The following POMGNT2 variants were observed in gnomAD, a reference collection of about 807,000 sequenced individuals.
POMGNT2 encodes the protein protein O-linked mannose N-acetylglucosaminyltransferase 2 (beta 1,4-), also known as protein O-linked-mannose beta-1,4-N-acetylglucosaminyltransferase 2.
POMGNT2 carries 32 observed loss-of-function variants against 37.8 expected under a neutral mutation model. The observed-to-expected ratio is 0.85, with a 90% CI of 0.64 to 1.14. The LOEUF is 1.14. Ranked by LOEUF, POMGNT2 falls within the 50% of genes most tolerant of loss-of-function variation. POMGNT2 has a pLI of 0.00. For missense variants in POMGNT2, 705 were observed against 780.6 expected (o/e 0.90, Z 1.15); for synonymous variants, 340 against 336.8 (o/e 1.01, Z -0.10).
At chr3:43,101,933 C>T (rs2090022417) in intron 1 of POMGNT2, among the ~76,000 whole-genome samples, 1 of 148,558 alleles carries the variant, frequency 6.7e-6, no homozygotes, top group Admixed American at 6.7e-5. Flanking sequence ...AGAAACGAGT[C>T]CAGGTCTCTT....
At chr3:43,092,142 C>G (rs953479340) in intron 1 of POMGNT2, among the ~76,000 whole-genome samples, 1 of 152,112 alleles carries the variant, frequency 6.6e-6, no homozygotes, top group Non-Finnish European at 1.5e-5. Flanking sequence ...TGGTTTTGAT[C>G]ATTACATTGT....
chr3:43,089,659 G>A (rs1443457697), intron 1 of POMGNT2, among the ~76,000 whole-genome samples: 1 of 152,168 alleles, frequency 6.6e-6, no homozygotes, highest in Non-Finnish European at 1.5e-5. Context: ...GGAGCGCACA[G>A]AGGAAGCTGG....
At chr3:43,094,626 C>T (rs1286426076) in intron 1 of POMGNT2, among the ~76,000 whole-genome samples, 1 of 152,220 alleles carries the variant, frequency 6.6e-6, no homozygotes, top group African/African-American at 2.4e-5. Flanking sequence ...TAATGTCTGA[C>T]TGTTCAGGGC....
chr3:43,097,607 A>T lies in POMGNT2; in HGVS notation c.-106+8229T>A, dbSNP rs374507855. ...ATAAGGACACCAGTCCTATCAGATT[A>T]GGGCCCCACCCTTATGACCTCATTT... On this transcript the variant is annotated intron_variant, in intron 1 of 1. Transcript: ENST00000344697. Among the ~76,000 whole-genome samples, 60 of 152,188 alleles carry T rather than the reference A, an allele frequency of 3.9e-4. No homozygotes were observed. The South Asian group carries it at 0.011, about 28-fold the overall frequency.
Position 43,079,601 on chromosome 3 carries a change from TC to T in POMGNT2, c.*87del. The T allele has an allele frequency of 8.2e-7, 1 of 1,213,844 alleles. No homozygotes were observed. The highest frequency in any genetic ancestry group is 2.4e-5 in the East Asian group (1 of 42,082). The allele number at this position is 1,213,844 out of a possible 1,614,324, so 75.2% of individuals were successfully genotyped here. On this transcript the variant is annotated 3_prime_UTR_variant, in exon 2 of 2. Transcript: ENST00000344697. ...GGCACAGGCCTGCTCAATAAATAGT[TC>T]CCAGAAGTCTCCACAGTGGGATTAA...
At chr3:43,096,264 G>C (rs559424809) in intron 1 of POMGNT2, among the ~76,000 whole-genome samples, 1 of 152,094 alleles carries the variant, frequency 6.6e-6, no homozygotes, top group South Asian at 2.1e-4. Flanking sequence ...GATCCAATCG[G>C]CACCTGAAAC....
chr3:43,101,591 T>A (rs1172794633), intron 1 of POMGNT2, among the ~76,000 whole-genome samples: 2 of 152,158 alleles, frequency 1.3e-5, no homozygotes, highest in Non-Finnish European at 2.9e-5. Flanking sequence ...GGAACTTGTG[T>A]CTTAATAAAG....
chr3:43,080,163 G>A lies in POMGNT2; in HGVS notation c.1269C>T (p.Ala423=), dbSNP rs764516534. 8 of 1,613,978 alleles carry A rather than the reference G, an allele frequency of 5.0e-6. No homozygotes were observed. The highest frequency in any genetic ancestry group is 6.8e-6 in the Non-Finnish European group (8 of 1,179,974). The change falls in exon 2 of 2, where the codon GCC becomes GCT. Residue 423 remains alanine (A), a synonymous_variant. Coordinates refer to ENST00000344697, the MANE Select transcript of POMGNT2 (RefSeq NM_032806.6). ...GGACCTCACGGCTTTGCAGGATACG[G>A]GCTTGCTCAGCCCGGTCCAGATGGG... ...GITHLDRAEQ[A]RILQSREVPR...
In POMGNT2 at chr3:43,080,328, A is replaced by C. The variant is rs747256506; in HGVS notation, c.1104T>G (p.Ala368=). 9 of 1,614,034 alleles carry C rather than the reference A, an allele frequency of 5.6e-6. No homozygotes were observed. ...AGGGAGTGTAGTGGTCGGGATTGACAGCATATGGGAAGAGCTCTACCACAG... is the reference window on the plus strand; with the variant it reads ...AGGGAGTGTAGTGGTCGGGATTGACCGCATATGGGAAGAGCTCTACCACAG... ...GATVVELFPY[A]VNPDHYTPYK... Residue 368 remains alanine, a synonymous_variant, in exon 2 of 2, where the codon GCT becomes GCG. Coordinates refer to ENST00000344697, the MANE Select transcript of POMGNT2 (RefSeq NM_032806.6).
intron 1 of POMGNT2, among the ~76,000 whole-genome samples, chr3:43,096,837 A>C (rs559412796): frequency 1.3e-5 from 2 of 152,358 alleles, no homozygotes; most frequent in South Asian, 4.1e-4. Flanking sequence ...ACTGAGGCAG[A>C]CAGGAGGAAG....
intron 1 of POMGNT2, among the ~76,000 whole-genome samples, chr3:43,088,453 C>G (rs1164220439): frequency 2.6e-5 from 4 of 152,282 alleles, no homozygotes; most frequent in Middle Eastern, 6.8e-3. Flanking sequence ...CTGTTGCTTC[C>G]CCCAGCAGCC....
rs2089847431 is a variant in POMGNT2, at chr3:43,080,931, G to A, written c.501C>T (p.Val167=). ...AGAGTGGCAGCAGGTCGTCATGAAA[G>A]ACGTGCATGAGGTTGTCGGGGTTGA... ...NRFNPDNLMH[V]FHDDLLPLFY... The change falls in exon 2 of 2, where the codon GTC becomes GTT. Residue 167 remains valine (V), a synonymous_variant. Transcript: ENST00000344697. 1 of 1,614,030 alleles carries A rather than the reference G, an allele frequency of 6.2e-7. No homozygotes were observed. The highest frequency in any genetic ancestry group is 8.5e-7 in the Non-Finnish European group (1 of 1,180,030).
chr3:43,079,948 T>C lies in POMGNT2; in HGVS notation c.1484A>G (p.His495Arg). ...AGTGAGGCGGGCCTCGGAGGCGCCATGCACTGACGCCTGGCACCGTGCCTC... is the reference window on the plus strand; with the variant it reads ...AGTGAGGCGGGCCTCGGAGGCGCCACGCACTGACGCCTGGCACCGTGCCTC... Reference protein sequence around the residue: ...VREARCQASVHGASEARLTVS... With the variant: ...VREARCQASVRGASEARLTVS... The change falls in exon 2 of 2, where the codon CAT (histidine) becomes CGT (arginine). Residue 495 changes from histidine (H) to arginine (R), a missense_variant. By Grantham distance (29) the His-to-Arg change is conservative (BLOSUM62 0). Coordinates refer to ENST00000344697, the MANE Select transcript of POMGNT2 (RefSeq NM_032806.6). 3 of 1,613,996 alleles carry C rather than the reference T, an allele frequency of 1.9e-6. No individual in the cohort carries two copies. Among genetic ancestry groups the C allele is most frequent in the South Asian group, 2.2e-5 (2 of 91,088 alleles).
rs910038823 is a variant in POMGNT2 at position 43,088,919 on chromosome 3, T to C, written c.-105-7383A>G. ...CTTCCCACAGCCAGAACATTCCAAC[T>C]GGTATGGAGGGAGAACTTGTTTGCA... On this transcript the variant is annotated intron_variant, in intron 1 of 1. Coordinates refer to ENST00000344697, the MANE Select transcript of POMGNT2 (RefSeq NM_032806.6). Among the ~76,000 whole-genome samples the C allele has an allele frequency of 4.6e-5, 7 of 152,330 alleles. 1 individual carries two copies. The highest frequency in any genetic ancestry group is 3.3e-4 in the Admixed American group (5 of 15,308).
intron 1 of POMGNT2, among the ~76,000 whole-genome samples, chr3:43,082,203 G>A (rs2089862586): frequency 6.6e-6 from 1 of 152,210 alleles, no homozygotes; most frequent in South Asian, 2.1e-4. Context: ...CCTGGACTCT[G>A]GGTAATGACT....
At position 43,080,670 on chromosome 3, in the gene POMGNT2, C is replaced by T. The variant is rs115870061; in HGVS notation, c.762G>A (p.Lys254=). 1,253 of 1,614,206 alleles carry T rather than the reference C, an allele frequency of 7.8e-4. 11 individuals are homozygous for T. The African/African-American group carries it at 0.014, about 18-fold the overall frequency. Residue 254 remains lysine, a synonymous_variant, in exon 2 of 2, where the codon AAG becomes AAA. Transcript: ENST00000344697. ...QYGFVQPQGP[K]ANILVSGNEI... ...CATTGCCTGAGACGAGGATGTTGGCCTTCGGGCCCTGGGGCTGCACAAAGC... is the reference window on the plus strand; with the variant it reads ...CATTGCCTGAGACGAGGATGTTGGCTTTCGGGCCCTGGGGCTGCACAAAGC...
At chr3:43,086,937 G>A (rs2089902092) in intron 1 of POMGNT2, among the ~76,000 whole-genome samples, 1 of 152,196 alleles carries the variant, frequency 6.6e-6, no homozygotes. Flanking sequence ...ATCTTGAAAT[G>A]AGATCATACT....
chr3:43,097,920 T>G (rs552919022), intron 1 of POMGNT2, among the ~76,000 whole-genome samples: 1 of 152,362 alleles, frequency 6.6e-6, no homozygotes, highest in African/African-American at 2.4e-5. Flanking sequence ...TCCCCTGTCC[T>G]GCTGGCCTCA....
At position 43,079,678 on chromosome 3, in the gene POMGNT2, T is replaced by C; in HGVS notation, c.*11A>G. On this transcript the variant is annotated 3_prime_UTR_variant, in exon 2 of 2. Transcript: ENST00000344697. ...GAGCCACCTTCCCGAGGCCAGGCTG[T>C]GGCCTGCTCGCTACGTGTTGCACAC... 1 of 1,603,696 alleles carries C rather than the reference T, an allele frequency of 6.2e-7. No individual in the cohort carries two copies. Among genetic ancestry groups the C allele is most frequent in the Non-Finnish European group, 8.5e-7 (1 of 1,174,160 alleles).
Sources: allele counts gnomAD v4.1 joint callset (sites outside exome capture counted in the v4.1 genomes callset), GRCh38; gene constraint gnomAD v4.1.1; transcripts MANE v1.5; gene names NCBI Gene and HGNC (gene_info 2026-07-23, HGNC 2026-07-21).